SPART: variants seen among roughly 807,000 people sequenced by gnomAD.
SPART encodes the protein spartin.
SPART carries 35 observed loss-of-function variants against 58.7 expected under a neutral mutation model. The ratio of observed to expected loss-of-function variants is 0.60; its 90% CI spans 0.46 to 0.79. SPART has a LOEUF of 0.79. Ranked by LOEUF, SPART falls within the 30% of genes least tolerant of loss-of-function variation. The pLI is 0.00. For missense variants in SPART, 730 were observed against 786.1 expected, an observed-to-expected ratio of 0.93 and a Z score of 0.85; for synonymous variants, 284 against 280.7, an observed-to-expected ratio of 1.01 and a Z score of -0.12.
intron 8 of SPART, among the ~76,000 whole-genome samples, chr13:36,311,067 A>G (rs1162090216): frequency 1.3e-5 from 2 of 152,222 alleles, no homozygotes; most frequent in African/African-American, 4.8e-5. Flanking sequence ...CCTAGAGAGT[A>G]GCTATCTTAG....
intron 5 of SPART, among the ~76,000 whole-genome samples, chr13:36,315,795 T>C (rs1781762620): frequency 6.6e-6 from 1 of 151,982 alleles, no homozygotes; most frequent in Non-Finnish European, 1.5e-5. Flanking sequence ...TGAGAAATCA[T>C]AAAATAAATG....
chr13:36,323,307 G>C (rs549187918), intron 5 of SPART, among the ~76,000 whole-genome samples: 2 of 152,276 alleles, frequency 1.3e-5, no homozygotes, highest in African/African-American at 4.8e-5. Context: ...TGCTCCAAAG[G>C]TGGGCTCCAT....
chr13:36,331,596 C>T lies in SPART; in HGVS notation c.811G>A (p.Val271Ile), dbSNP rs1344878745. Residue 271 changes from valine (V) to isoleucine (I), a missense_variant and splice_region_variant, in exon 3 of 9, where the codon GTT becomes ATT. By Grantham distance (29) the Val-to-Ile change is conservative. Coordinates refer to ENST00000438666, the MANE Select transcript of SPART (RefSeq NM_015087.5). ...VLNRPPGFLQ[V>I]CDWLYPLVPD... ...ACTAGAGGATATAACCAGTCACAAA[C>T]CTGAAAGGATTCATTAGAAGAAAAA... 1 of 1,610,962 alleles carries T rather than the reference C, an allele frequency of 6.2e-7. No homozygotes were observed. The highest frequency in any genetic ancestry group is 8.5e-7 in the Non-Finnish European group (1 of 1,177,952).
chr13:36,325,810 A>T (rs915696175), intron 5 of SPART: 1 of 152,252 alleles, frequency 6.6e-6, no homozygotes, highest in African/African-American at 2.4e-5. Flanking sequence ...ATTGCTGTAT[A>T]GTTTATACAG....
At chr13:36,347,776 TTC>T (rs1169199148), upstream of SPART, among the ~76,000 whole-genome samples, 1 of 152,184 alleles carries the variant, frequency 6.6e-6, no homozygotes, top group Non-Finnish European at 1.5e-5. Flanking sequence ...AAGAAGCAAC[TTC>T]TGTTTTATTA....
Position 36,342,749 on chromosome 13 carries a change from T to C in SPART, c.-3+3476A>G, listed in dbSNP as rs554005624. On this transcript the variant is annotated intron_variant, in intron 1 of 8. Coordinates refer to ENST00000438666, the MANE Select transcript of SPART (RefSeq NM_015087.5). ...GGGGATGTGTGCCCCCCAGGACAAA[T>C]GAAGTCTTCCATGGGACATACACCA... 2.6e-4 allele frequency among the ~76,000 whole-genome samples: 39 copies of C among 152,214 alleles called. 1 individual carries two copies. Among genetic ancestry groups the C allele is most frequent in the African/African-American group, 7.9e-4 (33 of 41,546 alleles).
intron 1 of SPART, chr13:36,369,736 T>G (rs1165563497): frequency 2.6e-5 from 4 of 152,382 alleles, no homozygotes; most frequent in Admixed American, 6.5e-5. Flanking sequence ...TGTTGCCATT[T>G]TCCCTCATTG....
intron 1 of SPART, among the ~76,000 whole-genome samples, chr13:36,356,541 A>G (rs755388899): frequency 2.0e-5 from 3 of 152,232 alleles, no homozygotes; most frequent in Non-Finnish European, 4.4e-5. Flanking sequence ...TCTTTAGACA[A>G]ACTCAACCGT....
rs548915423 is a variant in SPART, at chr13:36,346,215, C to T, written c.-3+10G>A. 1.3e-5 allele frequency: 2 copies of T among 151,840 alleles called. No individual in the cohort carries two copies. The highest frequency in any genetic ancestry group is 4.8e-5 in the African/African-American group (2 of 41,318). 9.4% of individuals were successfully genotyped at this position (151,840 alleles called of 1,614,324 possible). A position where few individuals can be genotyped will look rare whatever the true frequency, so the allele number is the denominator to read the frequency against. The stretch of plus-strand genomic sequence containing the variant: ...GGGACCGCGCAGGGGTGAACTCCCC[C>T]GCGCCCCACCTGCGCCTTCCAGACC... On this transcript the variant is annotated intron_variant, in intron 1 of 8. Coordinates refer to ENST00000438666, the MANE Select transcript of SPART (RefSeq NM_015087.5).
At chr13:36,314,466 A>G (rs1411795261) in intron 5 of SPART, 45 bp from the exon 6 acceptor site, 1 of 1,562,132 alleles carries the variant, frequency 6.4e-7, no homozygotes, top group East Asian at 2.2e-5. Context: ...AGGGCTAATT[A>G]TGCTTTTGAA....
At position 36,323,809 on chromosome 13, in the gene SPART, T is replaced by C. The variant is rs186057590; in HGVS notation, c.1288+2766A>G. Among the ~76,000 whole-genome samples the C allele has an allele frequency of 1.0e-3, 157 of 152,288 alleles. 1 individual carries two copies. The highest frequency in any genetic ancestry group is 3.6e-3 in the African/African-American group (151 of 41,558). On this transcript the variant is annotated intron_variant, in intron 5 of 8. Transcript: ENST00000438666. ...TTTACAGTTACCAACTATGAGGACA[T>C]TACTAGAACCCCAGCCCTGAAGGTA...
In SPART at chr13:36,304,077, GAAC is replaced by G. The variant is rs1880242877; in HGVS notation, c.*285_*287del. 2.3e-5 allele frequency: 10 copies of G among 441,740 alleles called. No homozygotes were observed. Among genetic ancestry groups the G allele is most frequent in the East Asian group, 8.9e-5 (2 of 22,378 alleles). 27.4% of individuals were successfully genotyped at this position (441,740 alleles called of 1,614,324 possible). On this transcript the variant is annotated 3_prime_UTR_variant, in exon 9 of 9. Transcript: ENST00000438666. ...TTCAATATTAGGTTTAACAAGGTTT[GAAC>G]AACACATGTACTATCAGCTTTATTT... is the stretch of plus-strand genomic sequence containing the variant.
In SPART at chr13:36,333,239, A is replaced by T. The variant is rs562676819; in HGVS notation, c.811-1643T>A. ...TCATGTCCAATTTCTGTAATTATAGATTTAACAGGTTTAAAAAGTATTTGG... is the reference window on the plus strand; with the variant it reads ...TCATGTCCAATTTCTGTAATTATAGTTTTAACAGGTTTAAAAAGTATTTGG... On this transcript the variant is annotated intron_variant, in intron 2 of 8. Transcript: ENST00000438666. Among the ~76,000 whole-genome samples, 115 of 152,244 alleles carry T rather than the reference A, an allele frequency of 7.6e-4. 2 individuals are homozygous for T. The highest frequency in any genetic ancestry group is 2.1e-4 in the Non-Finnish European group (14 of 68,002).
At chr13:36,315,404 T>G (rs975064828) in intron 5 of SPART, among the ~76,000 whole-genome samples, 1 of 152,216 alleles carries the variant, frequency 6.6e-6, no homozygotes, top group African/African-American at 2.4e-5. Flanking sequence ...GCTGAACATA[T>G]GAAATACTTA....
chr13:36,361,708 C>T (rs756169765), intron 1 of SPART, among the ~76,000 whole-genome samples: 1 of 152,136 alleles, frequency 6.6e-6, no homozygotes, highest in Non-Finnish European at 1.5e-5. Context: ...ACCCTAAAAC[C>T]GCCTTTTCAT....
intron 1 of SPART, among the ~76,000 whole-genome samples, chr13:36,338,025 G>A (rs1593269170): frequency 6.6e-6 from 1 of 152,296 alleles, no homozygotes; most frequent in East Asian, 1.9e-4. Flanking sequence ...GTCAAAGCAT[G>A]TGACAAGTGT....
chr13:36,337,483 C>A (rs1884125791), intron 1 of SPART, among the ~76,000 whole-genome samples: 1 of 152,214 alleles, frequency 6.6e-6, no homozygotes, highest in South Asian at 2.1e-4. Context: ...TGAGTTCTCA[C>A]AACATCTGAT....
At chr13:36,340,785 T>A (rs1884502393) in intron 1 of SPART, among the ~76,000 whole-genome samples, 1 of 152,190 alleles carries the variant, frequency 6.6e-6, no homozygotes, top group Non-Finnish European at 1.5e-5. Context: ...TGAAAAAAGA[T>A]CTACACAACT....
At chr13:36,326,297 T>C (rs1882924850) in intron 5 of SPART, 4 of 412,312 alleles carry the variant, frequency 9.7e-6, no homozygotes, top group Non-Finnish European at 1.8e-5. Flanking sequence ...TAACTAATTT[T>C]AGATTCAGAA....
Sources: allele counts gnomAD v4.1 joint callset (sites outside exome capture counted in the v4.1 genomes callset), GRCh38; gene constraint gnomAD v4.1.1; transcripts MANE v1.5; gene names NCBI Gene and HGNC (gene_info 2026-07-23, HGNC 2026-07-21).